TTC7A: variants seen among roughly 807,000 people sequenced by gnomAD.
The protein encoded by TTC7A is tetratricopeptide repeat domain 7A, also known as tetratricopeptide repeat protein 7A.
A neutral mutation model predicts 103.7 loss-of-function variants in TTC7A; 110 were observed. That is an observed-to-expected ratio of 1.06 (90% CI 0.91 to 1.24). The LOEUF (loss-of-function observed/expected upper bound fraction) is 1.24. TTC7A is among the 50% of genes most tolerant of loss of function. The pLI, the probability that TTC7A is intolerant of heterozygous loss-of-function variation, is 0.00. For synonymous variants in TTC7A, 521 were observed against 467.9 expected (o/e 1.11, Z -1.47); for missense variants, 1,340 against 1,116.3 (o/e 1.20, Z -2.86).
chr2:47,009,298 C>T (rs1439636846), intron 10 of TTC7A, among the ~76,000 whole-genome samples: 6 of 152,132 alleles, frequency 3.9e-5, no homozygotes, highest in Non-Finnish European at 5.9e-5. Flanking sequence ...GCCTCCTACC[C>T]TCTTGTTTCC....
At chr2:47,073,418 C>T (rs981390796) in intron 19 of TTC7A, among the ~76,000 whole-genome samples, 12 of 152,316 alleles carry the variant, frequency 7.9e-5, no homozygotes, top group African/African-American at 2.6e-4. Context: ...AACAGTGTGA[C>T]ACAGCCAGGT....
chr2:46,993,464 G>A lies in TTC7A; in HGVS notation c.779G>A (p.Gly260Asp), dbSNP rs759008720. The A allele has an allele frequency of 1.2e-6, 2 of 1,614,188 alleles. No individual in the cohort carries two copies. The highest frequency in any genetic ancestry group is 1.7e-5 in the Admixed American group (1 of 60,026). ...KNLKKGNIVK[G>D]MRELREVLRT... ...CCTCCCACCAGGAACATCGTGAAGG[G>A]CATGAGAGAGCTCCGGGAGGTGCTG... The change falls in exon 6 of 20, where the codon GGC (glycine) becomes GAC (aspartate). Residue 260 changes from glycine to aspartate, a missense_variant. Physicochemically the swap from Gly to Asp is moderately conservative, Grantham distance 94. Transcript: ENST00000319190.
In TTC7A at chr2:47,029,358, C is replaced by A. The variant is rs750573185; in HGVS notation, c.1776C>A (p.Ala592=). The stretch of plus-strand genomic sequence containing the variant: ...ATGCCCTGGATGTTGTCAACATGGC[C>A]ATCACCGAGCACCCTGAGAACTTCA... The part of the protein sequence containing the change: ...HQHALDVVNM[A]ITEHPENFNL... The change falls in exon 15 of 20, where the codon GCC becomes GCA. Residue 592 remains alanine, a synonymous_variant. Transcript: ENST00000319190. The A allele has an allele frequency of 6.2e-6, 10 of 1,613,830 alleles. No individual in the cohort carries two copies. Among genetic ancestry groups the A allele is most frequent in the Non-Finnish European group, 8.5e-7 (1 of 1,180,036 alleles).
intron 3 of TTC7A, among the ~76,000 whole-genome samples, chr2:46,960,322 C>T (rs1343640283): frequency 6.6e-6 from 1 of 152,196 alleles, no homozygotes; most frequent in African/African-American, 2.4e-5. Context: ...ACAGAGCCTC[C>T]CCTGCCTGTC....
At chr2:46,921,475 C>T (rs1478400540) in intron 2 of TTC7A, among the ~76,000 whole-genome samples, 4 of 152,184 alleles carry the variant, frequency 2.6e-5, no homozygotes, top group Non-Finnish European at 5.9e-5. Flanking sequence ...TCTTAATAGT[C>T]TAGTCATTCT....
chr2:46,932,155 T>C (rs1669740004), intron 2 of TTC7A, among the ~76,000 whole-genome samples: 1 of 133,660 alleles, frequency 7.5e-6, no homozygotes, highest in South Asian at 2.1e-4. Context: ...CTGGGATTCT[T>C]TTTTTTTTTT....
rs532421408 is a variant in TTC7A, at chr2:46,958,669, C to T, written c.517+1662C>T. ...CTGCCTCCTCTCTGCCTGTCCTCCT[C>T]CCTGTCCTGCTGCAGTGACCACGCC... On this transcript the variant is annotated intron_variant, in intron 3 of 19. Transcript: ENST00000319190. The T allele has an allele frequency of 1.3e-3, 818 of 649,806 alleles. 18 individuals carry two copies. In the South Asian group the frequency reaches 0.014, roughly 11 times the overall value. 40.3% of individuals were successfully genotyped at this position (649,806 alleles called of 1,614,324 possible).
At chr2:46,950,851 T>C (rs1160247258) in intron 2 of TTC7A, among the ~76,000 whole-genome samples, 4 of 152,218 alleles carry the variant, frequency 2.6e-5, no homozygotes. Flanking sequence ...AAATAAAACA[T>C]GTTATTAAAA....
intron 12 of TTC7A, among the ~76,000 whole-genome samples, chr2:47,022,425 T>C (rs1679392038): frequency 6.6e-6 from 1 of 152,202 alleles, no homozygotes; most frequent in African/African-American, 2.4e-5. Flanking sequence ...ATACGTGGCA[T>C]AGGGCTGGGT....
At chr2:46,970,699 A>G (rs1379212059) in intron 3 of TTC7A, among the ~76,000 whole-genome samples, 1 of 152,182 alleles carries the variant, frequency 6.6e-6, no homozygotes, top group African/African-American at 2.4e-5. Flanking sequence ...GATAGGCTGC[A>G]TGTCTGGGGA....
intron 18 of TTC7A, among the ~76,000 whole-genome samples, chr2:47,060,476 AAAAC>A (rs774458564): frequency 6.6e-5 from 10 of 152,306 alleles, no homozygotes; most frequent in Admixed American, 2.6e-4. Context: ...AAAAAAAACA[AAAAC>A]AAACAAACAA....
intron 7 of TTC7A, 124 bp from the exon 8 acceptor site, chr2:46,995,012 A>G (rs1676033044): frequency 2.4e-6 from 2 of 836,454 alleles, no homozygotes; most frequent in Non-Finnish European, 4.0e-6. Context: ...CCCATGAATT[A>G]TGCAGGAAGA....
At chr2:46,991,432 G>A (rs550882935) in intron 5 of TTC7A, among the ~76,000 whole-genome samples, 3 of 152,088 alleles carry the variant, frequency 2.0e-5, no homozygotes, top group Non-Finnish European at 2.9e-5. Context: ...CCAGGAGTTC[G>A]AGACCAGGCT....
chr2:46,920,511 AG>A (rs1366628269), intron 2 of TTC7A, among the ~76,000 whole-genome samples: 1 of 151,822 alleles, frequency 6.6e-6, no homozygotes, highest in Admixed American at 6.6e-5. Flanking sequence ...TTGTATTTTT[AG>A]TAGAGATGGG....
At chr2:47,070,185 C>G (rs185588719) in intron 19 of TTC7A, among the ~76,000 whole-genome samples, 40 of 152,368 alleles carry the variant, frequency 2.6e-4, no homozygotes, top group African/African-American at 9.4e-4. Flanking sequence ...TCTGAAAAGG[C>G]AAGGCCCTTT....
At chr2:46,994,192 T>G (rs1675913323) in intron 6 of TTC7A, 165 bp from the exon 7 acceptor site, 6 of 750,682 alleles carry the variant, frequency 8.0e-6, no homozygotes, top group Non-Finnish European at 1.1e-5. Context: ...TTGGAGGGAC[T>G]GAAGGAGCAA....
intron 2 of TTC7A, among the ~76,000 whole-genome samples, chr2:46,954,676 A>C (rs962478834): frequency 1.3e-5 from 2 of 148,348 alleles, no homozygotes; most frequent in Non-Finnish European, 3.0e-5. Context: ...GGTTCAAGCG[A>C]TTCTTCTGCC....
chr2:46,940,256 T>C (rs182740373), upstream of TTC7A, among the ~76,000 whole-genome samples: 163 of 152,072 alleles, frequency 1.1e-3, no homozygotes, highest in South Asian at 1.7e-3. This position sits in a 1 kb window ranked among gnomAD's most constrained non-coding sequence, Gnocchi z 4.7. Context: ...CTCTTAGGAG[T>C]CTGCTCAAAA....
At chr2:47,047,910 G>A (rs1682491864) in intron 16 of TTC7A, among the ~76,000 whole-genome samples, 1 of 152,184 alleles carries the variant, frequency 6.6e-6, no homozygotes, top group Admixed American at 6.5e-5. Flanking sequence ...TCCTGGGAAA[G>A]CCAGGAGGAT....
Sources: gnomAD v4.1 joint callset for allele counts (sites outside exome capture counted in the v4.1 genomes callset) on GRCh38, gnomAD v4.1.1 for gene constraint, Gnocchi (gnomAD v3.1) non-coding constraint, MANE v1.5 for transcripts, NCBI Gene and HGNC (gene_info 2026-07-23, HGNC 2026-07-21) for gene names.